Variants in PTGS1 observed in about 807,000 individuals in gnomAD.
PTGS1 encodes prostaglandin G/H synthase 1.
Under a neutral mutation model 63.0 loss-of-function variants are expected in PTGS1, and 40 were observed. The observed-to-expected ratio is 0.63, with a 90% CI of 0.49 to 0.83. The LOEUF (loss-of-function observed/expected upper bound fraction) is 0.83, where lower values mean the gene tolerates loss of function less well. PTGS1 is among the 40% of genes least tolerant of loss of function. The pLI is 0.00. For synonymous variants in PTGS1, 298 were observed against 301.9 expected (o/e 0.99, Z 0.13); for missense variants, 709 against 786.5 (o/e 0.90, Z 1.18).
intron 8 of PTGS1, among the ~76,000 whole-genome samples, chr9:122,383,958 G>A (rs1254851565): frequency 6.6e-6 from 1 of 152,166 alleles, no homozygotes; most frequent in African/African-American, 2.4e-5. Context: ...TGATTGTAAG[G>A]ATTTATTGAG....
At chr9:122,380,672 G>A (rs1304492568) in intron 5 of PTGS1, among the ~76,000 whole-genome samples, 1 of 152,112 alleles carries the variant, frequency 6.6e-6, no homozygotes, top group Non-Finnish European at 1.5e-5. Flanking sequence ...TGTCTGTATG[G>A]TCTGCAAAGC....
intron 7 of PTGS1, among the ~76,000 whole-genome samples, chr9:122,383,098 G>A (rs1183267811): frequency 2.0e-5 from 3 of 151,924 alleles, no homozygotes; most frequent in East Asian, 3.9e-4. Context: ...TGTGGGGACC[G>A]TGTTAAGGAA....
intron 9 of PTGS1, 69 bp downstream of exon 9, chr9:122,386,801 C>T (rs1372765542): frequency 6.4e-7 from 1 of 1,559,750 alleles, no homozygotes; most frequent in Non-Finnish European, 8.7e-7. Context: ...GTCCAAATTC[C>T]AGGTTCTTCT....
At chr9:122,378,075 T>G in intron 3 of PTGS1, 60 bp downstream of exon 3, 15 of 1,434,654 alleles carry the variant, frequency 1.0e-5, no homozygotes, top group Non-Finnish European at 1.5e-5. Context: ...CCCCGGGCCC[T>G]TTCTCCTAGA....
Position 122,378,578 on chromosome 9 carries a change from G to T in PTGS1, c.352+5G>T, listed in dbSNP as rs1199675377. The T allele has an allele frequency of 1.2e-6, 2 of 1,614,176 alleles. No homozygotes were observed. The highest frequency in any genetic ancestry group is 1.7e-6 in the Non-Finnish European group (2 of 1,180,028). On this transcript the variant is annotated splice_donor_5th_base_variant and intron_variant, in intron 4 of 10. Transcript: ENST00000362012. ...TCATGCGCCTGGTACTCACAGGTGG[G>T]TGTGGGGCAGGGCCCCCTGACCTGG...
At chr9:122,386,406 T>G (rs756211483) in intron 8 of PTGS1, 40 bp from the exon 9 acceptor site, 2 of 1,598,618 alleles carry the variant, frequency 1.3e-6, no homozygotes, top group Non-Finnish European at 8.6e-7. Flanking sequence ...TCTAAATCAC[T>G]GTGCTTGGCT....
chr9:122,383,777 T>C, intron 8 of PTGS1, 22 bp downstream of exon 8: 1 of 1,596,054 alleles, frequency 6.3e-7, no homozygotes. Flanking sequence ...AGACCTGCCC[T>C]GCCCTGGAAG....
intron 9 of PTGS1, 127 bp from the exon 10 acceptor site, chr9:122,390,071 C>A: frequency 8.8e-7 from 1 of 1,131,414 alleles, no homozygotes; most frequent in Non-Finnish European, 1.2e-6. Context: ...AACTGCTAGG[C>A]TGCCCAACAC....
chr9:122,386,969 G>C (rs995686764), intron 9 of PTGS1, among the ~76,000 whole-genome samples: 2 of 151,990 alleles, frequency 1.3e-5, no homozygotes, highest in African/African-American at 4.8e-5. Flanking sequence ...TCATCTTTTA[G>C]TGCTCCCACC....
rs1302008848 is a variant in PTGS1, at chr9:122,391,415, A to C, written c.1445-774A>C. ...TATATATACATATATATATACATAT[A>C]TATATATATATACATATATATATAT... On this transcript the variant is annotated intron_variant, in intron 10 of 10. Coordinates refer to ENST00000362012, the MANE Select transcript of PTGS1 (RefSeq NM_000962.4). Among the ~76,000 whole-genome samples the C allele has an allele frequency of 1.3e-4, 4 of 31,076 alleles. No homozygotes were observed. The Admixed American group carries it at 2.2e-3, about 17-fold the overall frequency. 20.4% of individuals were successfully genotyped at this position (31,076 alleles called of 152,430 possible). A position where few individuals can be genotyped will look rare whatever the true frequency, so the allele number is the denominator to read the frequency against.
At position 122,383,570 on chromosome 9, in the gene PTGS1, C is replaced by T; in HGVS notation, c.824C>T (p.Pro275Leu). 6.2e-7 allele frequency: 1 copy of T among 1,614,076 alleles called. No individual in the cohort carries two copies. Among genetic ancestry groups the T allele is most frequent in the South Asian group, 1.1e-5 (1 of 91,076 alleles). The change falls in exon 8 of 11, where the codon CCC becomes CTC. Residue 275 changes from proline (P) to leucine (L), a missense_variant. Pro to Leu is a moderately conservative substitution (Grantham distance 98). Coordinates refer to ENST00000362012, the MANE Select transcript of PTGS1 (RefSeq NM_000962.4). ...GAGGCGCCTGTGTTGATGCACTACC[C>T]CCGAGGCATCCCGCCCCAGAGCCAG... is the stretch of plus-strand genomic sequence containing the variant. The part of the protein sequence containing the change: ...VEEAPVLMHY[P>L]RGIPPQSQMA...
In PTGS1 at chr9:122,371,254, C is replaced by T. The variant is rs775435311; in HGVS notation, c.76C>T (p.Pro26Ser). The T allele has an allele frequency of 1.2e-6, 2 of 1,606,020 alleles. No individual in the cohort carries two copies. Among genetic ancestry groups the T allele is most frequent in the Non-Finnish European group, 1.7e-6 (2 of 1,179,914 alleles). ...GCCGCTCCCCGTCCTGCTCGCGGAC[C>T]CAGGGGCGCCCACGCCAGGTAGGCG... The part of the protein sequence containing the change: ...LPPLPVLLAD[P>S]GAPTPVNPCC... Residue 26 changes from proline to serine, a missense_variant, in exon 2 of 11, where the codon CCA (proline) becomes TCA (serine). Transcript: ENST00000362012.
rs1237507833 is a variant in PTGS1 at position 122,386,466 on chromosome 9, A to G, written c.1030A>G (p.Ile344Val). The change falls in exon 9 of 11, where the codon ATC (isoleucine) becomes GTC (valine). Residue 344 changes from isoleucine (I) to valine (V), a missense_variant. Transcript: ENST00000362012. ...ILIGETIKIV[I>V]EEYVQQLSGY... The stretch of plus-strand genomic sequence containing the variant: ...CCCAGGGGAGACCATCAAGATTGTC[A>G]TCGAGGAGTACGTGCAGCAGCTGAG... The G allele has an allele frequency of 6.2e-7, 1 of 1,614,206 alleles. No individual in the cohort carries two copies. The highest frequency in any genetic ancestry group is 8.5e-7 in the Non-Finnish European group (1 of 1,180,028).
At chr9:122,377,664 G>C (rs929429027) in intron 2 of PTGS1, among the ~76,000 whole-genome samples, 1 of 152,200 alleles carries the variant, frequency 6.6e-6, no homozygotes, top group African/African-American at 2.4e-5. Context: ...GGCCTGATGT[G>C]GGCTAGGCTG....
chr9:122,388,898 G>T (rs1437049342), intron 9 of PTGS1, among the ~76,000 whole-genome samples: 2 of 152,112 alleles, frequency 1.3e-5, no homozygotes, highest in African/African-American at 4.8e-5. Flanking sequence ...TCCAAATAAG[G>T]ATGCATTCAC....
At chr9:122,391,366 TATATAC>T (rs1222392702) in intron 10 of PTGS1, among the ~76,000 whole-genome samples, 2 of 86,900 alleles carry the variant, frequency 2.3e-5, no homozygotes, top group Admixed American at 1.2e-4. Context: ...TACATATATA[TATATAC>T]ATATATATAT....
chr9:122,392,689 C>G lies in PTGS1; in HGVS notation c.*145C>G. On this transcript the variant is annotated 3_prime_UTR_variant, in exon 11 of 11. Coordinates refer to ENST00000362012, the MANE Select transcript of PTGS1 (RefSeq NM_000962.4). ...TGACATTTAGAACTTTAAGTCTCAC[C>G]CATTATCTGGAATATTGTGATTCTG... is the stretch of plus-strand genomic sequence containing the variant. 1 of 654,518 alleles carries G rather than the reference C, an allele frequency of 1.5e-6. No homozygotes were observed. The highest frequency in any genetic ancestry group is 2.6e-6 in the Non-Finnish European group (1 of 391,054). The allele number at this position is 654,518 out of a possible 1,614,324, so 40.5% of individuals were successfully genotyped here. A position where few individuals can be genotyped will look rare whatever the true frequency, so the allele number is the denominator to read the frequency against.
chr9:122,381,561 C>G lies in PTGS1; in HGVS notation c.678+9C>G, dbSNP rs776442829. 6.2e-7 allele frequency: 1 copy of G among 1,614,068 alleles called. No individual in the cohort carries two copies. The highest frequency in any genetic ancestry group is 1.1e-5 in the South Asian group (1 of 91,080). The stretch of plus-strand genomic sequence containing the variant: ...AGGCCTTGGGCCATGGGGTGAGTAC[C>G]TAGGAGGGGCTCAGGACTGCTCTGG... On this transcript the variant is annotated intron_variant, in intron 6 of 10. Coordinates refer to ENST00000362012, the MANE Select transcript of PTGS1 (RefSeq NM_000962.4).
chr9:122,377,728 GGTGGGAACAGGGGTCCCCTT>G (rs1157292836), intron 2 of PTGS1, among the ~76,000 whole-genome samples, 151 bp from the exon 3 acceptor site: 2 of 152,192 alleles, frequency 1.3e-5, no homozygotes, highest in African/African-American at 4.8e-5. Flanking sequence ...TGTTCACAGA[GGTGGGAACAGGGGTCCCCTT>G]GGGGGAACCC....
Sources: gnomAD v4.1 joint callset for allele counts (sites outside exome capture counted in the v4.1 genomes callset) on GRCh38, gnomAD v4.1.1 for gene constraint, MANE v1.5 for transcripts, NCBI Gene and HGNC (gene_info 2026-07-23, HGNC 2026-07-21) for gene names.